Variants in CGNL1 observed in about 807,000 individuals in gnomAD.
CGNL1 encodes the protein cingulin like 1.
A neutral mutation model predicts 141.2 loss-of-function variants in CGNL1; 132 were observed. The ratio of observed to expected loss-of-function variants is 0.93; its 90% CI spans 0.81 to 1.08. The LOEUF (loss-of-function observed/expected upper bound fraction) is 1.08, where lower values mean the gene tolerates loss of function less well. Ranked by LOEUF, CGNL1 falls within the 50% of genes least tolerant of loss-of-function variation. The pLI, the probability that CGNL1 is intolerant of heterozygous loss-of-function variation, is 0.00. For synonymous variants in CGNL1, 690 were observed against 622.1 expected, an observed-to-expected ratio of 1.11 and a Z score of -1.63; for missense variants, 1,870 against 1,588.6, an observed-to-expected ratio of 1.18 and a Z score of -3.01.
intron 8 of CGNL1, among the ~76,000 whole-genome samples, chr15:57,468,899 C>T (rs1240792787): frequency 1.3e-5 from 2 of 152,228 alleles, no homozygotes; most frequent in Non-Finnish European, 2.9e-5. Flanking sequence ...GCGCCTTCCT[C>T]ATTCTCTCTT....
Position 57,523,510 on chromosome 15 carries a change from C to T in CGNL1, c.2737C>T (p.Gln913Ter), listed in dbSNP as rs2031406033. The T allele has an allele frequency of 6.2e-7, 1 of 1,614,150 alleles. No homozygotes were observed. The highest frequency in any genetic ancestry group is 8.5e-7 in the Non-Finnish European group (1 of 1,180,016). ...GCAGGGAAATCTGAGTCAGACTACC[C>T]AGGAGCAGAAGCAGTTGTCTGAGAA... The part of the protein sequence containing the change: ...AAQGNLSQTT[Q>*]EQKQLSEKLK... Residue 913 changes from glutamine (Q) to a stop codon, truncating the protein, a stop_gained, in exon 11 of 19, where the codon CAG (glutamine) becomes TAG (stop). Transcript: ENST00000281282. LOFTEE classifies it high-confidence loss of function.
intron 4 of CGNL1, 33 bp downstream of exon 4, chr15:57,442,511 T>G (rs752882635): frequency 7.6e-6 from 10 of 1,313,892 alleles, no homozygotes; most frequent in Non-Finnish European, 1.1e-6. Context: ...GTAGAGTGCA[T>G]TTAGCATGGA....
intron 3 of CGNL1, among the ~76,000 whole-genome samples, chr15:57,440,717 T>G (rs1330551220): frequency 2.0e-5 from 3 of 152,182 alleles, no homozygotes; most frequent in Non-Finnish European, 4.4e-5. Flanking sequence ...ATTTTTAAAG[T>G]GACCCTTTAC....
chr15:57,473,996 T>A (rs1317243255), intron 8 of CGNL1, among the ~76,000 whole-genome samples: 1 of 139,796 alleles, frequency 7.2e-6, no homozygotes, highest in Non-Finnish European at 1.5e-5. Context: ...TTGCAACCTC[T>A]CCCTCCCGGG....
At chr15:57,460,290 C>T (rs192295728) in intron 7 of CGNL1, among the ~76,000 whole-genome samples, 52 of 152,178 alleles carry the variant, frequency 3.4e-4, no homozygotes, top group Non-Finnish European at 2.9e-5. Flanking sequence ...AGGGGACTGT[C>T]TTGGTAGAGC....
intron 7 of CGNL1, among the ~76,000 whole-genome samples, chr15:57,457,819 T>A (rs2063398038): frequency 6.6e-6 from 1 of 152,312 alleles, no homozygotes; most frequent in South Asian, 2.1e-4. Context: ...TTATGGGAGC[T>A]ACATACAATT....
chr15:57,431,082 C>G (rs919090159), intron 1 of CGNL1, among the ~76,000 whole-genome samples: 3 of 152,188 alleles, frequency 2.0e-5, no homozygotes, highest in African/African-American at 7.2e-5. Context: ...GTAAAAGGAG[C>G]CTTTTTACAG....
At chr15:57,413,187 C>G (rs549798875) in intron 1 of CGNL1, among the ~76,000 whole-genome samples, 2 of 147,290 alleles carry the variant, frequency 1.4e-5, no homozygotes, top group Non-Finnish European at 3.0e-5. Context: ...CTTTCTTTCT[C>G]TCTTTCTCTT....
chr15:57,390,105 C>T (rs938021288), intron 1 of CGNL1, among the ~76,000 whole-genome samples: 4 of 152,312 alleles, frequency 2.6e-5, no homozygotes, highest in Admixed American at 1.3e-4. Context: ...TGTGAGCCAC[C>T]GCACCTGGCC....
intron 1 of CGNL1, among the ~76,000 whole-genome samples, chr15:57,423,392 G>A (rs2062937475): frequency 1.3e-5 from 2 of 152,182 alleles, no homozygotes; most frequent in Non-Finnish European, 2.9e-5. Flanking sequence ...TTTCATACTG[G>A]GCTGAAGGGG....
At chr15:57,506,258 C>T (rs1434514725) in intron 8 of CGNL1, among the ~76,000 whole-genome samples, 1 of 152,228 alleles carries the variant, frequency 6.6e-6, no homozygotes, top group East Asian at 1.9e-4. Context: ...GGTGGAGTCC[C>T]TTCCGCCAGC....
At position 57,549,417 on chromosome 15, in the gene CGNL1, G is replaced by A. The variant is rs1000858980; in HGVS notation, c.*1927G>A. The A allele has an allele frequency of 6.6e-6, 1 of 152,236 alleles. No homozygotes were observed. The highest frequency in any genetic ancestry group is 2.1e-4 in the South Asian group (1 of 4,832). The allele number at this position is 152,236 out of a possible 1,614,324, so 9.4% of individuals were successfully genotyped here. A position where few individuals can be genotyped will look rare whatever the true frequency, so the allele number is the denominator to read the frequency against. ...TAGCCATGGAGTCCCACCTGTGCCAGGTCAGAGCCCACCCGGCAGGTTTCA... is the reference window on the plus strand; with the variant it reads ...TAGCCATGGAGTCCCACCTGTGCCAAGTCAGAGCCCACCCGGCAGGTTTCA... On this transcript the variant is annotated 3_prime_UTR_variant, in exon 19 of 19. Coordinates refer to ENST00000281282, the MANE Select transcript of CGNL1 (RefSeq NM_032866.5).
intron 8 of CGNL1, among the ~76,000 whole-genome samples, chr15:57,500,006 T>G (rs1193167276): frequency 1.3e-5 from 2 of 152,172 alleles, no homozygotes; most frequent in Non-Finnish European, 2.9e-5. Flanking sequence ...GCTAGGTCAT[T>G]CTGGAAGATA....
chr15:57,491,395 G>A (rs1416911113), intron 8 of CGNL1, among the ~76,000 whole-genome samples: 4 of 152,114 alleles, frequency 2.6e-5, no homozygotes, highest in Admixed American at 6.5e-5. Flanking sequence ...TGCTTTCTCC[G>A]TGGCACCAGT....
chr15:57,426,427 G>A (rs1391269196), intron 1 of CGNL1, among the ~76,000 whole-genome samples: 10 of 150,186 alleles, frequency 6.7e-5, no homozygotes, highest in South Asian at 4.3e-4. Flanking sequence ...TTACAGGCAT[G>A]AGCCACCACA....
Position 57,548,467 on chromosome 15 carries a change from A to G in CGNL1, c.*977A>G, listed in dbSNP as rs1043496882. ...GTCATGGACAGCTAAGACTGAGCAT[A>G]GCAGTTCACATGGTCTGGGTAAACA... On this transcript the variant is annotated 3_prime_UTR_variant, in exon 19 of 19. Transcript: ENST00000281282. 6.6e-6 allele frequency: 1 copy of G among 152,262 alleles called. No individual in the cohort carries two copies. The highest frequency in any genetic ancestry group is 1.5e-5 in the Non-Finnish European group (1 of 68,046). 9.4% of individuals were successfully genotyped at this position (152,262 alleles called of 1,614,324 possible).
At chr15:57,387,135 TTC>T (rs1299200866) in intron 1 of CGNL1, among the ~76,000 whole-genome samples, 2 of 152,234 alleles carry the variant, frequency 1.3e-5, no homozygotes, top group Non-Finnish European at 2.9e-5. Context: ...CTCATCTATT[TTC>T]TGTTTCTGTG....
intron 13 of CGNL1, among the ~76,000 whole-genome samples, chr15:57,529,363 C>T (rs1167296554): frequency 1.3e-5 from 2 of 152,152 alleles, no homozygotes; most frequent in South Asian, 4.1e-4. Flanking sequence ...GACAGCATAT[C>T]AGAAAGTGCT....
rs546988769 is a variant in CGNL1 at position 57,514,197 on chromosome 15, G to A, written c.2404-2583G>A. ...GATGGAGTCTTGCTCTGTCACCCAA[G>A]TTGGAGTGCAGTGGTCCCATCTCGG... On this transcript the variant is annotated intron_variant, in intron 8 of 18. Coordinates refer to ENST00000281282, the MANE Select transcript of CGNL1 (RefSeq NM_032866.5). Among the ~76,000 whole-genome samples the A allele has an allele frequency of 1.7e-4, 26 of 152,206 alleles. No individual in the cohort carries two copies. The South Asian group carries it at 5.4e-3, about 32-fold the overall frequency.
Sources: allele counts gnomAD v4.1 joint callset (sites outside exome capture counted in the v4.1 genomes callset), GRCh38; gene constraint gnomAD v4.1.1; transcripts MANE v1.5; gene names NCBI Gene and HGNC (gene_info 2026-07-23, HGNC 2026-07-21).